Variants in DBT observed in about 807,000 individuals in gnomAD.
DBT encodes lipoamide acyltransferase component of branched-chain alpha-keto acid dehydrogenase complex, mitochondrial.
In DBT, 40 loss-of-function variants were observed where a neutral mutation model predicts 51.3. The observed-to-expected ratio is 0.78, with a 90% CI of 0.61 to 1.02. DBT has a LOEUF of 1.02. DBT is among the 50% of genes least tolerant of loss of function. The pLI is 0.00. For synonymous variants in DBT, 181 were observed against 190.4 expected, an observed-to-expected ratio of 0.95 and a Z score of 0.41; for missense variants, 510 against 580.2, an observed-to-expected ratio of 0.88 and a Z score of 1.24.
Position 100,249,821 on chromosome 1 carries a change from C to T in DBT, c.-1G>A, listed in dbSNP as rs765097859. The T allele has an allele frequency of 1.2e-6, 2 of 1,614,210 alleles. No individual in the cohort carries two copies. Among genetic ancestry groups the T allele is most frequent in the Non-Finnish European group, 8.5e-7 (1 of 1,180,030 alleles). ...TTCTCAGCATACGGACTGCAGCCAT[C>T]TTACCCCGGAAATGACAACAGTGCC... On this transcript the variant is annotated 5_prime_UTR_variant, in exon 1 of 11. Transcript: ENST00000370132.
intron 10 of DBT, among the ~76,000 whole-genome samples, chr1:100,201,355 A>T (rs2100770657): frequency 6.6e-6 from 1 of 152,256 alleles, no homozygotes; most frequent in Non-Finnish European, 1.5e-5. Flanking sequence ...GATTAGAGAA[A>T]AAAGAATGAG....
chr1:100,216,573 C>T (rs1248511222), intron 5 of DBT, among the ~76,000 whole-genome samples: 1 of 152,162 alleles, frequency 6.6e-6, no homozygotes, highest in Non-Finnish European at 1.5e-5. Flanking sequence ...GCCACTATGC[C>T]CAGCTGAAAA....
At chr1:100,236,551 TCTTA>T (rs1461256589) in intron 2 of DBT, among the ~76,000 whole-genome samples, 4 of 152,216 alleles carry the variant, frequency 2.6e-5, no homozygotes, top group African/African-American at 7.2e-5. Context: ...ATTAGGTACC[TCTTA>T]CTTCCTCTCT....
chr1:100,249,578 G>GA (rs1340305765), intron 1 of DBT, among the ~76,000 whole-genome samples, 192 bp downstream of exon 1: 1 of 152,156 alleles, frequency 6.6e-6, no homozygotes, highest in Non-Finnish European at 1.5e-5. Context: ...CAGGTAAGGG[G>GA]AGGGAGTGGG....
At chr1:100,223,963 G>A (rs1172009082) in intron 4 of DBT, among the ~76,000 whole-genome samples, 1 of 152,060 alleles carries the variant, frequency 6.6e-6, no homozygotes, top group Non-Finnish European at 1.5e-5. Flanking sequence ...GTAGAGGTCT[G>A]TTACAGTCAA....
Position 100,206,370 on chromosome 1 carries a change from A to T in DBT, c.1210-69T>A, listed in dbSNP as rs907909586. The T allele has an allele frequency of 3.2e-6, 5 of 1,562,230 alleles. No individual in the cohort carries two copies. In the African/African-American group the frequency reaches 6.8e-5, roughly 21 times the overall value. ...TTTTTCAGGGAACAAATGCCAAGTG[A>T]CTTTTCTATTTTTAATTAAGCATAT... On this transcript the variant is annotated intron_variant, in intron 9 of 10. Transcript: ENST00000370132.
At position 100,195,908 on chromosome 1, in the gene DBT, G is replaced by A. The variant is rs372982170; in HGVS notation, c.*347C>T. 42 of 289,354 alleles carry A rather than the reference G, an allele frequency of 1.5e-4. No individual in the cohort carries two copies. Among genetic ancestry groups the A allele is most frequent in the African/African-American group, 7.1e-4 (32 of 44,894 alleles). 17.9% of individuals were successfully genotyped at this position (289,354 alleles called of 1,614,324 possible). ...TCAAACTTCTAACCTCAGGTGATCC[G>A]CCCACCTGGGCCTCCCAAAGTGCTG... On this transcript the variant is annotated 3_prime_UTR_variant, in exon 11 of 11. Coordinates refer to ENST00000370132, the MANE Select transcript of DBT (RefSeq NM_001918.5).
chr1:100,212,769 C>T (rs954526344), intron 7 of DBT, among the ~76,000 whole-genome samples: 2 of 152,140 alleles, frequency 1.3e-5, no homozygotes, highest in Admixed American at 6.5e-5. Flanking sequence ...TCGAGAAGAA[C>T]GGGCACTTCA....
intron 1 of DBT, among the ~76,000 whole-genome samples, chr1:100,245,384 C>T (rs1010519609): frequency 2.0e-5 from 3 of 152,008 alleles, no homozygotes; most frequent in African/African-American, 7.3e-5. Context: ...TTTAAACCTC[C>T]AATTTTAAAA....
chr1:100,226,464 T>C (rs559368706), intron 4 of DBT, among the ~76,000 whole-genome samples: 1 of 152,008 alleles, frequency 6.6e-6, no homozygotes, highest in South Asian at 2.1e-4. Context: ...TTTTTATTTT[T>C]TGTAGAGATG....
chr1:100,207,818 CTG>C (rs1273767082), intron 8 of DBT, among the ~76,000 whole-genome samples: 1 of 150,722 alleles, frequency 6.6e-6, no homozygotes, highest in Admixed American at 6.6e-5. Flanking sequence ...GAGCAAAACT[CTG>C]TGTCAAAAAA....
At position 100,206,247 on chromosome 1, in the gene DBT, C is replaced by T. The variant is rs1410768110; in HGVS notation, c.1264G>A (p.Ala422Thr). ...VIMPPEVAIG[A>T]LGSIKAIPRF... ...ACATGTACCTTAATTGATCCAAGGG[C>T]CCCAATGGCTACTTCAGGTGGCATT... The change falls in exon 10 of 11, where the codon GCC becomes ACC. Residue 422 changes from alanine to threonine, a missense_variant. Ala to Thr is a moderately conservative substitution (Grantham distance 58). Transcript: ENST00000370132. 2 of 1,611,924 alleles carry T rather than the reference C, an allele frequency of 1.2e-6. No homozygotes were observed. The highest frequency in any genetic ancestry group is 1.7e-4 in the Middle Eastern group (1 of 6,060).
intron 6 of DBT, 59 bp from the exon 7 acceptor site, chr1:100,215,042 T>TC (rs1272739830): frequency 2.2e-6 from 3 of 1,337,096 alleles, no homozygotes; most frequent in South Asian, 1.3e-5. Context: ...TCATCCTTTT[T>TC]TTTTTTTTTA....
intron 2 of DBT, among the ~76,000 whole-genome samples, chr1:100,240,559 A>G (rs544570245): frequency 6.6e-6 from 1 of 152,240 alleles, no homozygotes; most frequent in East Asian, 1.9e-4. Flanking sequence ...AAGGGGTGCC[A>G]GTGTTAAGGA....
chr1:100,203,051 A>G (rs1661551281), intron 10 of DBT, among the ~76,000 whole-genome samples: 1 of 152,226 alleles, frequency 6.6e-6, no homozygotes, highest in South Asian at 2.1e-4. Context: ...GAGAAGCAAG[A>G]GCAAACACGT....
intron 7 of DBT, chr1:100,213,591 TC>T (rs1342975727): frequency 6.3e-7 from 1 of 1,596,090 alleles, no homozygotes; most frequent in Admixed American, 1.7e-5. Context: ...CTGGCCATCA[TC>T]CTGTTCCCCT....
At chr1:100,225,041 A>AT (rs1663091162) in intron 4 of DBT, among the ~76,000 whole-genome samples, 1 of 110,164 alleles carries the variant, frequency 9.1e-6, no homozygotes, top group African/African-American at 3.9e-5. Context: ...AAAAAAAAAA[A>AT]AATATATATA....
intron 4 of DBT, among the ~76,000 whole-genome samples, chr1:100,219,862 T>C (rs1662746460): frequency 1.3e-5 from 2 of 152,132 alleles, no homozygotes; most frequent in Admixed American, 6.6e-5. Context: ...AATGCTGTGG[T>C]GGCTGGGCAT....
At chr1:100,196,668 A>C (rs1661127630) in intron 10 of DBT, 2 of 532,554 alleles carry the variant, frequency 3.8e-6, no homozygotes, top group Non-Finnish European at 3.3e-6. Context: ...TACAATTCCC[A>C]TACCTACATT....
Sources: allele counts gnomAD v4.1 joint callset (sites outside exome capture counted in the v4.1 genomes callset), GRCh38; gene constraint gnomAD v4.1.1; transcripts MANE v1.5; gene names NCBI Gene and HGNC (gene_info 2026-07-23, HGNC 2026-07-21).